Variants in EPSTI1 observed in about 807,000 individuals in gnomAD.
The protein encoded by EPSTI1 is epithelial stromal interaction 1, also known as epithelial-stromal interaction protein 1.
EPSTI1 carries 66 observed loss-of-function variants against 49.9 expected under a neutral mutation model. That is an observed-to-expected ratio of 1.32 (90% CI 1.08 to 1.62). The LOEUF (loss-of-function observed/expected upper bound fraction) is 1.62, where lower values mean the gene tolerates loss of function less well. Ranked by LOEUF, EPSTI1 falls within the 40% of genes most tolerant of loss-of-function variation. The probability of loss-of-function intolerance (pLI) is 0.00; values close to 1 mark genes in which losing one functional copy is unlikely to be tolerated. For missense variants in EPSTI1, 394 were observed against 365.5 expected, an observed-to-expected ratio of 1.08 and a Z score of -0.64; for synonymous variants, 137 against 130.7, an observed-to-expected ratio of 1.05 and a Z score of -0.33.
At chr13:42,930,241 T>C (rs1428450612) in intron 6 of EPSTI1, among the ~76,000 whole-genome samples, 1 of 152,238 alleles carries the variant, frequency 6.6e-6, no homozygotes, top group Non-Finnish European at 1.5e-5. Flanking sequence ...TATTTTGCAA[T>C]AGCTTCACAA....
At chr13:42,916,310 T>C (rs1226606010) in intron 8 of EPSTI1, among the ~76,000 whole-genome samples, 1 of 151,366 alleles carries the variant, frequency 6.6e-6, no homozygotes, top group Non-Finnish European at 1.5e-5. Flanking sequence ...AAATGTTTCA[T>C]GATTCGTCTT....
At chr13:42,944,293 G>C (rs893061631) in intron 6 of EPSTI1, among the ~76,000 whole-genome samples, 24 of 152,200 alleles carry the variant, frequency 1.6e-4, no homozygotes, top group Admixed American at 1.5e-3. Flanking sequence ...TGTTGGGCTG[G>C]ATAAAGAAAA....
chr13:42,915,011 A>C (rs560236617), intron 8 of EPSTI1, among the ~76,000 whole-genome samples: 1 of 152,396 alleles, frequency 6.6e-6, no homozygotes, highest in Admixed American at 6.5e-5. Flanking sequence ...CACATAGAAC[A>C]AAACTTATGT....
rs2039699526 is a variant in EPSTI1, at chr13:42,969,081, T to C, written c.331+13A>G. ...CGCCCTCCCTCATTCCGGCAGCGGC[T>C]GTGCTTGCTTACCTAGCCGTCTGGG... On this transcript the variant is annotated intron_variant, in intron 3 of 10. Transcript: ENST00000313624. The C allele has an allele frequency of 6.2e-7, 1 of 1,613,944 alleles. No individual in the cohort carries two copies. Among genetic ancestry groups the C allele is most frequent in the Admixed American group, 1.7e-5 (1 of 59,998 alleles).
rs58209427 is a variant in EPSTI1 at position 42,911,282 on chromosome 13, CACGTGTGTGAGTGT to C, written c.741+6245_741+6258del. The stretch of plus-strand genomic sequence containing the variant: ...GTGTGTGTGCGCGCGCACGCGCGCA[CACGTGTGTGAGTGT>C]GCACATGCTTCCTTTATCAGATTGT... On this transcript the variant is annotated intron_variant, in intron 8 of 10. Coordinates refer to ENST00000313624, the MANE Select transcript of EPSTI1 (RefSeq NM_033255.5). 2.4e-3 allele frequency among the ~76,000 whole-genome samples: 265 copies of C among 111,834 alleles called. 1 individual carries two copies. Among genetic ancestry groups the C allele is most frequent in the Non-Finnish European group, 4.1e-3 (196 of 48,148 alleles). 73.4% of individuals were successfully genotyped at this position (111,834 alleles called of 152,430 possible).
chr13:42,989,136 C>T (rs1341778719), intron 1 of EPSTI1, among the ~76,000 whole-genome samples: 13 of 138,608 alleles, frequency 9.4e-5, no homozygotes. Context: ...GCTGAGGTTA[C>T]AGGCACAAGC....
chr13:42,991,921 G>A, intron 1 of EPSTI1, 57 bp downstream of exon 1: 1 of 1,594,194 alleles, frequency 6.3e-7, no homozygotes, highest in Non-Finnish European at 8.6e-7. Context: ...GTGCTTGTGA[G>A]TGAGTATGTT....
chr13:42,930,623 A>T (rs1394455725), intron 6 of EPSTI1, among the ~76,000 whole-genome samples: 1 of 151,482 alleles, frequency 6.6e-6, no homozygotes, highest in African/African-American at 2.5e-5. Context: ...CATACACTTT[A>T]CAGAATTCTT....
intron 6 of EPSTI1, among the ~76,000 whole-genome samples, chr13:42,931,091 A>G (rs902187988): frequency 6.6e-6 from 1 of 152,108 alleles, no homozygotes; most frequent in East Asian, 1.9e-4. Context: ...AACCTCTCAC[A>G]GCATTCTTAA....
chr13:42,899,610 G>T (rs141113887), intron 9 of EPSTI1, among the ~76,000 whole-genome samples: 45 of 152,260 alleles, frequency 3.0e-4, no homozygotes, highest in African/African-American at 9.4e-4. Context: ...ACTATCAAAA[G>T]AATTTGTCCC....
chr13:42,915,593 G>C (rs372373430), intron 8 of EPSTI1, among the ~76,000 whole-genome samples: 1 of 152,152 alleles, frequency 6.6e-6, no homozygotes, highest in African/African-American at 2.4e-5. Flanking sequence ...CAAAAAAAGA[G>C]AGAAGCAAAA....
rs752808984 is a variant in EPSTI1, at chr13:42,992,102, G to T, written c.64C>A (p.Arg22=). ...CGCCCAGAAGGGTCCTGGGGATCCC[G>T]GGTCGGGCGGGAGGCAGGGGAGGCG... ...LGASPASRPT[R]DPQDPSGRQG... Residue 22 remains arginine (R), a synonymous_variant, in exon 1 of 11, where the codon CGG becomes AGG. Transcript: ENST00000313624. 2.1e-4 allele frequency: 340 copies of T among 1,611,640 alleles called. 1 individual carries two copies. The highest frequency in any genetic ancestry group is 2.5e-5 in the Non-Finnish European group (30 of 1,179,356).
At chr13:42,914,727 G>A (rs1021371845) in intron 8 of EPSTI1, among the ~76,000 whole-genome samples, 11 of 152,092 alleles carry the variant, frequency 7.2e-5, no homozygotes, top group African/African-American at 2.7e-4. Context: ...GGGGTTAGCT[G>A]GTTTATTTTA....
intron 2 of EPSTI1, 198 bp from the exon 3 acceptor site, chr13:42,969,375 T>C (rs2039710013): frequency 3.4e-6 from 2 of 581,622 alleles, no homozygotes; most frequent in Non-Finnish European, 6.0e-6. Flanking sequence ...TGGCACATTC[T>C]CACCAAGAGT....
chr13:42,964,159 T>C lies in EPSTI1; in HGVS notation c.332-20A>G, dbSNP rs1221002754. On this transcript the variant is annotated intron_variant, in intron 3 of 10. Transcript: ENST00000313624. ...TTCCACCTTAGGAAAAAAAAATCCA[T>C]GAAGGTGAAACATAAATATTAAGCT... is the stretch of plus-strand genomic sequence containing the variant. The C allele has an allele frequency of 1.2e-6, 2 of 1,606,348 alleles. No homozygotes were observed. The highest frequency in any genetic ancestry group is 2.7e-5 in the African/African-American group (2 of 74,658).
intron 1 of EPSTI1, among the ~76,000 whole-genome samples, chr13:42,990,140 A>G (rs141043175): frequency 1.3e-5 from 2 of 151,268 alleles, no homozygotes; most frequent in East Asian, 1.9e-4. Context: ...AAGGGAATAT[A>G]TAATTCTGTA....
chr13:42,946,069 T>C (rs56763551), intron 6 of EPSTI1, among the ~76,000 whole-genome samples: 4,746 of 152,284 alleles, frequency 0.031, 173 homozygotes, highest in South Asian at 0.098. Context: ...ACTGAGCCCT[T>C]AAGTGTCTTT....
At chr13:42,970,939 T>C (rs1211482299) in intron 1 of EPSTI1, among the ~76,000 whole-genome samples, 1 of 152,142 alleles carries the variant, frequency 6.6e-6, no homozygotes, top group African/African-American at 2.4e-5. Flanking sequence ...CTTGTAGGGC[T>C]CCACCGTTCC....
rs1186458239 is a variant in EPSTI1 at position 42,887,706 on chromosome 13, G to C, written c.*788C>G. The stretch of plus-strand genomic sequence containing the variant: ...CTAGCAATAGGAAATAGGTTACACA[G>C]AGCAAAGAAAAAACAAGTTTCTGAA... On this transcript the variant is annotated 3_prime_UTR_variant, in exon 11 of 11. Coordinates refer to ENST00000313624, the MANE Select transcript of EPSTI1 (RefSeq NM_033255.5). 1 of 152,284 alleles carries C rather than the reference G, an allele frequency of 6.6e-6. No homozygotes were observed. The highest frequency in any genetic ancestry group is 2.4e-5 in the African/African-American group (1 of 41,440). The allele number at this position is 152,284 out of a possible 1,614,324, so 9.4% of individuals were successfully genotyped here. A position where few individuals can be genotyped will look rare whatever the true frequency, so the allele number is the denominator to read the frequency against.
Sources: allele counts gnomAD v4.1 joint callset (sites outside exome capture counted in the v4.1 genomes callset), GRCh38; gene constraint gnomAD v4.1.1; transcripts MANE v1.5; gene names NCBI Gene and HGNC (gene_info 2026-07-23, HGNC 2026-07-21).